The following KCNIP1 variants were observed in gnomAD, a reference collection of about 807,000 sequenced individuals.
KCNIP1 encodes A-type potassium channel modulatory protein KCNIP1.
KCNIP1 carries 18 observed loss-of-function variants against 33.0 expected under a neutral mutation model. The ratio of observed to expected loss-of-function variants is 0.55; its 90% CI spans 0.38 to 0.81. KCNIP1 has a LOEUF of 0.81. KCNIP1 is among the 30% of genes least tolerant of loss of function. KCNIP1 has a pLI of 0.00. For missense variants in KCNIP1, 238 were observed against 271.6 expected (o/e 0.88, Z 0.87); for synonymous variants, 93 against 98.3 (o/e 0.95, Z 0.32).
At chr5:170,539,159 A>T (rs1756102375) in intron 1 of KCNIP1, among the ~76,000 whole-genome samples, 1 of 152,126 alleles carries the variant, frequency 6.6e-6, no homozygotes, top group Admixed American at 6.5e-5. Flanking sequence ...CAGACATTTC[A>T]GGATTGCCTC....
intron 1 of KCNIP1, among the ~76,000 whole-genome samples, chr5:170,391,177 A>G (rs1437744149): frequency 6.6e-6 from 1 of 152,128 alleles, no homozygotes; most frequent in Non-Finnish European, 1.5e-5. Context: ...AGAAGCAGGA[A>G]AAGTCCTCCT....
intron 1 of KCNIP1, among the ~76,000 whole-genome samples, chr5:170,622,798 C>A (rs1759657060): frequency 6.6e-6 from 1 of 152,142 alleles, no homozygotes; most frequent in Non-Finnish European, 1.5e-5. Context: ...GCCCTGCTGA[C>A]ACCCTGACTT....
rs537078943 is a variant in KCNIP1, at chr5:170,621,744, A to C, written c.62-97014A>C. 6.6e-5 allele frequency among the ~76,000 whole-genome samples: 10 copies of C among 152,254 alleles called. No homozygotes were observed. The South Asian group carries it at 2.1e-3, about 32-fold the overall frequency. On this transcript the variant is annotated intron_variant, in intron 1 of 7. Transcript: ENST00000328939. Reference sequence around the variant, plus strand: ...GGCTGGTTTCAAATTCCTAGGCTTGAGTGATCCTCCCGCCTTGGACTCCCA... The same window carrying C: ...GGCTGGTTTCAAATTCCTAGGCTTGCGTGATCCTCCCGCCTTGGACTCCCA...
At chr5:170,725,268 G>A (rs1763971607) in intron 5 of KCNIP1, among the ~76,000 whole-genome samples, 1 of 152,172 alleles carries the variant, frequency 6.6e-6, no homozygotes, top group Non-Finnish European at 1.5e-5. Flanking sequence ...AGATTTGGAA[G>A]CAACCTAAGT....
chr5:170,389,561 A>G (rs827778), intron 1 of KCNIP1: 134,035 of 152,224 alleles, frequency 0.88, 59,304 homozygotes, highest in African/African-American at 0.93. Context: ...GATTTCAAAC[A>G]ACAACAGACA....
intron 1 of KCNIP1, chr5:170,669,764 A>G (rs1408652422): frequency 1.9e-6 from 1 of 532,518 alleles, no homozygotes; most frequent in Non-Finnish European, 2.4e-6. Flanking sequence ...CAAAGAGCAC[A>G]CATTTTGAGA....
intron 1 of KCNIP1, among the ~76,000 whole-genome samples, chr5:170,623,791 G>A (rs1581411211): frequency 6.6e-6 from 1 of 152,166 alleles, no homozygotes; most frequent in South Asian, 2.1e-4. Context: ...GTCAAGTGCG[G>A]GGCCCAAGTA....
chr5:170,653,242 G>A (rs899662939), intron 1 of KCNIP1, among the ~76,000 whole-genome samples: 1 of 152,220 alleles, frequency 6.6e-6, no homozygotes, highest in Non-Finnish European at 1.5e-5. Flanking sequence ...CTTGCCAAGT[G>A]TCCATGAGGA....
chr5:170,558,867 A>G (rs990132092), intron 1 of KCNIP1, among the ~76,000 whole-genome samples: 18 of 152,236 alleles, frequency 1.2e-4, no homozygotes, highest in African/African-American at 4.3e-4. Context: ...GCCAATTGAC[A>G]TATGGGACTA....
chr5:170,679,006 C>A (rs1187473412), intron 1 of KCNIP1: 5 of 152,202 alleles, frequency 3.3e-5, no homozygotes, highest in Non-Finnish European at 7.3e-5. Flanking sequence ...CCATTAAGCC[C>A]AGTGGGTTAA....
intron 1 of KCNIP1, among the ~76,000 whole-genome samples, chr5:170,695,799 T>C (rs1762869794): frequency 6.6e-6 from 1 of 152,082 alleles, no homozygotes; most frequent in Non-Finnish European, 1.5e-5. Flanking sequence ...GGCGGGTGGA[T>C]CATGAGGTCA....
chr5:170,644,859 G>A (rs1760724870), intron 1 of KCNIP1, among the ~76,000 whole-genome samples: 1 of 152,214 alleles, frequency 6.6e-6, no homozygotes, highest in Non-Finnish European at 1.5e-5. Flanking sequence ...CTCCAGTGGG[G>A]ACAGAGAATC....
At chr5:170,582,672 A>T (rs1003234976) in intron 1 of KCNIP1, among the ~76,000 whole-genome samples, 1 of 152,150 alleles carries the variant, frequency 6.6e-6, no homozygotes, top group Admixed American at 6.5e-5. Flanking sequence ...GAGAAGACCA[A>T]GGCCAGGAGG....
chr5:170,368,514 C>T (rs1763758997), intron 1 of KCNIP1, among the ~76,000 whole-genome samples: 1 of 152,190 alleles, frequency 6.6e-6, no homozygotes, highest in Admixed American at 6.5e-5. Flanking sequence ...CCGCCCGCCT[C>T]AGCCTCCCAA....
At chr5:170,639,739 T>C (rs1228225315) in intron 1 of KCNIP1, among the ~76,000 whole-genome samples, 3 of 152,210 alleles carry the variant, frequency 2.0e-5, no homozygotes, top group African/African-American at 7.2e-5. Flanking sequence ...AATTGAAAAG[T>C]CATGATTGCT....
At chr5:170,371,717 T>C (rs983500869) in intron 1 of KCNIP1, among the ~76,000 whole-genome samples, 3 of 152,224 alleles carry the variant, frequency 2.0e-5, no homozygotes, top group Admixed American at 6.5e-5. Flanking sequence ...CTAGCCCTTA[T>C]TACCGTTAGG....
chr5:170,416,255 G>A (rs1755326889), intron 1 of KCNIP1, among the ~76,000 whole-genome samples: 1 of 152,144 alleles, frequency 6.6e-6, no homozygotes, highest in African/African-American at 2.4e-5. Context: ...TCTCAGGGTG[G>A]GAGAGAGTCC....
At chr5:170,609,008 A>G (rs1347180295) in intron 1 of KCNIP1, among the ~76,000 whole-genome samples, 5 of 152,096 alleles carry the variant, frequency 3.3e-5, no homozygotes, top group Admixed American at 6.5e-5. Context: ...ACTCTCCAAC[A>G]GGGAGATGTC....
intron 1 of KCNIP1, among the ~76,000 whole-genome samples, chr5:170,494,227 G>A (rs1052645645): frequency 3.9e-5 from 6 of 152,208 alleles, no homozygotes; most frequent in African/African-American, 7.2e-5. Context: ...CTGTGGGCAC[G>A]AATACTAATG....
Sources: allele counts gnomAD v4.1 joint callset (sites outside exome capture counted in the v4.1 genomes callset), GRCh38; gene constraint gnomAD v4.1.1; transcripts MANE v1.5; gene names NCBI Gene and HGNC (gene_info 2026-07-23, HGNC 2026-07-21).